Variants in POLH observed in about 807,000 individuals in gnomAD.
POLH encodes DNA polymerase eta transcript.
A neutral mutation model predicts 73.6 loss-of-function variants in POLH; 53 were observed. The ratio of observed to expected loss-of-function variants is 0.72; its 90% confidence interval spans 0.58 to 0.91. The LOEUF (loss-of-function observed/expected upper bound fraction) is 0.91, where lower values mean the gene tolerates loss of function less well. POLH is among the 40% of genes least tolerant of loss of function. The pLI is 0.00. For synonymous variants in POLH, 292 were observed against 308.5 expected, an observed-to-expected ratio of 0.95 and a Z score of 0.56; for missense variants, 768 against 865.4, an observed-to-expected ratio of 0.89 and a Z score of 1.41.
intron 1 of POLH, among the ~76,000 whole-genome samples, chr6:43,581,858 C>T (rs1764305151): frequency 6.6e-6 from 1 of 150,518 alleles, no homozygotes; most frequent in Non-Finnish European, 1.5e-5. Flanking sequence ...GACCCCAGCC[C>T]GCGGCGCCTT....
chr6:43,612,840 C>G (rs918480049), intron 10 of POLH, among the ~76,000 whole-genome samples: 1 of 135,128 alleles, frequency 7.4e-6, no homozygotes, highest in African/African-American at 2.8e-5. Flanking sequence ...CTGGCTCTGT[C>G]ACCCAGGCTG....
intron 1 of POLH, among the ~76,000 whole-genome samples, chr6:43,580,071 T>C (rs1464528368): frequency 6.7e-6 from 1 of 149,178 alleles, no homozygotes; most frequent in Non-Finnish European, 1.5e-5. Context: ...CCGCAGTGTT[T>C]GTGTCCCTGA....
chr6:43,596,145 TA>T (rs1000269751), intron 4 of POLH, among the ~76,000 whole-genome samples: 2 of 152,186 alleles, frequency 1.3e-5, no homozygotes, highest in African/African-American at 4.8e-5. Context: ...CCATAAGCCC[TA>T]AAGTATAGAT....
chr6:43,618,124 C>A lies in POLH; in HGVS notation c.*3567C>A, dbSNP rs545868329. On this transcript the variant is annotated 3_prime_UTR_variant, in exon 11 of 11. Coordinates refer to ENST00000372236, the MANE Select transcript of POLH (RefSeq NM_006502.3). ...TTAGGGTTTAAAATTTGTTATGTAG[C>A]TTTTTGCACTTGTCCATGTTTATAC... is the stretch of plus-strand genomic sequence containing the variant. Among the ~76,000 whole-genome samples the A allele has an allele frequency of 6.6e-6, 1 of 152,102 alleles. No homozygotes were observed. The highest frequency in any genetic ancestry group is 1.9e-4 in the East Asian group (1 of 5,180).
At chr6:43,582,734 G>A (rs766739563) in intron 2 of POLH, among the ~76,000 whole-genome samples, 7 of 152,016 alleles carry the variant, frequency 4.6e-5, no homozygotes, top group Non-Finnish European at 7.4e-5. Context: ...TGGTTGGGGG[G>A]GCAGGGCTCA....
chr6:43,611,822 G>A (rs867294409), intron 10 of POLH, among the ~76,000 whole-genome samples: 2 of 152,038 alleles, frequency 1.3e-5, no homozygotes, highest in South Asian at 2.1e-4. Context: ...TTCGGAGGCC[G>A]AGGCAGGCAG....
chr6:43,610,804 T>C (rs773818251), intron 10 of POLH, 81 bp downstream of exon 10: 4 of 1,199,514 alleles, frequency 3.3e-6, no homozygotes, highest in Middle Eastern at 2.7e-4. Context: ...ATAATTTTTA[T>C]CATAAAGTTC....
At chr6:43,610,508 T>A in intron 9 of POLH, 46 bp from the exon 10 acceptor site, 6 of 1,524,454 alleles carry the variant, frequency 3.9e-6, no homozygotes, top group Non-Finnish European at 5.5e-6. Context: ...AGAATTCAGA[T>A]GCTCCTCATA....
At chr6:43,577,035 C>T (rs1369153917) in intron 1 of POLH, among the ~76,000 whole-genome samples, 1 of 152,146 alleles carries the variant, frequency 6.6e-6, no homozygotes, top group East Asian at 1.9e-4. Flanking sequence ...TATTTTTATA[C>T]AGGCGTGGCG....
intron 9 of POLH, among the ~76,000 whole-genome samples, chr6:43,606,225 C>T (rs1046228667): frequency 8.6e-5 from 13 of 151,832 alleles, no homozygotes; most frequent in African/African-American, 2.9e-4. Context: ...ATAGTCCTCA[C>T]TTGTACATTA....
chr6:43,608,984 TA>T lies in POLH; in HGVS notation c.1075-1568del, dbSNP rs1288132362. ...GCCTCCTTCCCTTTATCTAACACAC[TA>T]AGTAAGCTCTTACTTTAGCACTTCC... On this transcript the variant is annotated intron_variant, in intron 9 of 10. Coordinates refer to ENST00000372236, the MANE Select transcript of POLH (RefSeq NM_006502.3). Among the ~76,000 whole-genome samples the T allele has an allele frequency of 3.9e-5, 6 of 152,324 alleles. No homozygotes were observed. In the East Asian group the frequency reaches 1.2e-3, roughly 29 times the overall value.
At position 43,619,356 on chromosome 6, in the gene POLH, C is replaced by A. The variant is rs1208808813; in HGVS notation, c.*4799C>A. 1.6e-5 allele frequency among the ~76,000 whole-genome samples: 2 copies of A among 127,770 alleles called. No homozygotes were observed. Among genetic ancestry groups the A allele is most frequent in the Admixed American group, 8.4e-5 (1 of 11,850 alleles). 83.8% of individuals were successfully genotyped at this position (127,770 alleles called of 152,430 possible). ...CTCCAGCCTGGGTGACAGTCTGAGACCCTGTCTCAAAAAAAAAAAAAAAAA... is the reference window on the plus strand; with the variant it reads ...CTCCAGCCTGGGTGACAGTCTGAGAACCTGTCTCAAAAAAAAAAAAAAAAA... On this transcript the variant is annotated 3_prime_UTR_variant, in exon 11 of 11. Coordinates refer to ENST00000372236, the MANE Select transcript of POLH (RefSeq NM_006502.3).
At chr6:43,600,376 G>T (rs534433426) in intron 5 of POLH, among the ~76,000 whole-genome samples, 1 of 151,506 alleles carries the variant, frequency 6.6e-6, no homozygotes. Flanking sequence ...CCAAGATCAC[G>T]CCACTGCCCT....
Position 43,594,311 on chromosome 6 carries a change from T to C in POLH, c.491-3385T>C, listed in dbSNP as rs547803106. On this transcript the variant is annotated intron_variant, in intron 4 of 10. Coordinates refer to ENST00000372236, the MANE Select transcript of POLH (RefSeq NM_006502.3). ...AGTATAAATTGTTTTAAATGATGGA[T>C]GTTTTAATAGTATTTATTGTTCTTA... Among the ~76,000 whole-genome samples, 11 of 152,342 alleles carry C rather than the reference T, an allele frequency of 7.2e-5. No individual in the cohort carries two copies. In the South Asian group the frequency reaches 2.3e-3, roughly 32 times the overall value.
At chr6:43,594,197 A>C (rs1169713391) in intron 4 of POLH, among the ~76,000 whole-genome samples, 4 of 152,196 alleles carry the variant, frequency 2.6e-5, no homozygotes, top group Non-Finnish European at 5.9e-5. Context: ...AGCAGAGAAA[A>C]TTTAGCTCTA....
chr6:43,600,623 C>T (rs918897472), intron 5 of POLH, among the ~76,000 whole-genome samples: 6 of 152,080 alleles, frequency 3.9e-5, no homozygotes, highest in South Asian at 2.1e-4. Flanking sequence ...AAGTATGTTT[C>T]GGCATTTTTG....
At position 43,582,448 on chromosome 6, in the gene POLH, G is replaced by A; in HGVS notation, c.129G>A (p.Lys43=). 1.2e-6 allele frequency: 2 copies of A among 1,613,818 alleles called. No individual in the cohort carries two copies. The highest frequency in any genetic ancestry group is 1.1e-5 in the South Asian group (1 of 91,052). Residue 43 remains lysine, a synonymous_variant, in exon 2 of 11, where the codon AAG becomes AAA. Transcript: ENST00000372236. ...CAGTTGTACAGTACAAATCATGGAA[G>A]GGTGGTGGGTATGTATCATTGTTAT... ...PCAVVQYKSW[K]GGGIIAVSYE... is the part of the protein sequence containing the mutation.
intron 4 of POLH, among the ~76,000 whole-genome samples, chr6:43,590,215 T>C (rs995057780): frequency 3.9e-5 from 6 of 151,956 alleles, no homozygotes; most frequent in Non-Finnish European, 8.8e-5. Context: ...AAAAACTAGC[T>C]GGGCATGGTA....
Position 43,614,432 on chromosome 6 carries a change from G to T in POLH, c.2017G>T (p.Val673Phe). Residue 673 changes from valine to phenylalanine, a missense_variant, in exon 11 of 11, where the codon GTT becomes TTT. Coordinates refer to ENST00000372236, the MANE Select transcript of POLH (RefSeq NM_006502.3). ...GCAGCCCCACTCTTCAAACCCCCAG[G>T]TTGTTTCTGCCGTATCTCATCAAGG... ...FLQPHSSNPQ[V>F]VSAVSHQGKR... 6.2e-7 allele frequency: 1 copy of T among 1,614,138 alleles called. No homozygotes were observed. Among genetic ancestry groups the T allele is most frequent in the Non-Finnish European group, 8.5e-7 (1 of 1,180,028 alleles).
Sources: allele counts gnomAD v4.1 joint callset (sites outside exome capture counted in the v4.1 genomes callset), GRCh38; gene constraint gnomAD v4.1.1; transcripts MANE v1.5; gene names NCBI Gene and HGNC (gene_info 2026-07-23, HGNC 2026-07-21).